BAG2: variants seen among roughly 807,000 people sequenced by gnomAD.
The protein encoded by BAG2 is BAG cochaperone 2, also known as BAG family molecular chaperone regulator 2.
A neutral mutation model predicts 16.4 loss-of-function variants in BAG2; 8 were observed. The observed-to-expected ratio is 0.49, with a 90% CI of 0.29 to 0.88. The LOEUF (loss-of-function observed/expected upper bound fraction) is 0.88. Ranked by LOEUF, BAG2 falls within the 40% of genes least tolerant of loss-of-function variation. The probability of loss-of-function intolerance (pLI) is 0.09; values close to 1 mark genes in which losing one functional copy is unlikely to be tolerated. For missense variants in BAG2, 218 were observed against 248.9 expected (o/e 0.88, Z 0.84); for synonymous variants, 82 against 89.2 (o/e 0.92, Z 0.46).
At chr6:57,175,593 A>C (rs1324378758) in intron 1 of BAG2, among the ~76,000 whole-genome samples, 10 of 152,242 alleles carry the variant, frequency 6.6e-5, no homozygotes, top group Non-Finnish European at 1.3e-4. Flanking sequence ...TCAGTCTGTT[A>C]GAGTGAGGGC....
At chr6:57,175,350 C>T (rs1367446906) in intron 1 of BAG2, among the ~76,000 whole-genome samples, 1 of 152,160 alleles carries the variant, frequency 6.6e-6, no homozygotes, top group Non-Finnish European at 1.5e-5. Context: ...GTTCCTGGCT[C>T]ATAACTCCCA....
chr6:57,175,389 T>G (rs192188920), intron 1 of BAG2, among the ~76,000 whole-genome samples: 2 of 152,234 alleles, frequency 1.3e-5, no homozygotes, highest in East Asian at 1.9e-4. Flanking sequence ...TACGTTATAA[T>G]GTTGGGGTGC....
In BAG2 at chr6:57,182,066, G is replaced by A. The variant is rs1341879283; in HGVS notation, c.148G>A (p.Glu50Lys). 6.2e-7 allele frequency: 1 copy of A among 1,613,980 alleles called. No homozygotes were observed. The highest frequency in any genetic ancestry group is 8.5e-7 in the Non-Finnish European group (1 of 1,180,018). ...TTTGAGAGAAGCAGCAACTGCTGTT[G>A]AGCAAGAGAAAGAAATCCTTCTGGA... ...EALREAATAV[E>K]QEKEILLEMI... The change falls in exon 2 of 3, where the codon GAG (glutamate) becomes AAG (lysine). Residue 50 changes from glutamate to lysine, a missense_variant. Physicochemically the swap from Glu to Lys is moderately conservative, Grantham distance 56. Around this residue, in one of 3 missense-constraint regions of BAG2, gnomAD observed 75 missense variants for 63.1 expected, o/e 1.19. Transcript: ENST00000370693.
Position 57,173,336 on chromosome 6 carries a change from G to A in BAG2, c.113+526G>A, listed in dbSNP as rs568595385. The A allele has an allele frequency of 7.9e-5, 78 of 985,414 alleles. No individual in the cohort carries two copies. In the African/African-American group the frequency reaches 1.3e-3, roughly 16 times the overall value. The allele number at this position is 985,414 out of a possible 1,614,324, so 61.0% of individuals were successfully genotyped here. ...AAACCAACCCAGCAATCCATTGAGA[G>A]CAAAGATTAGACAGGAGTGAGGGGT... is the stretch of plus-strand genomic sequence containing the variant. On this transcript the variant is annotated intron_variant, in intron 1 of 2. Coordinates refer to ENST00000370693, the MANE Select transcript of BAG2 (RefSeq NM_004282.4).
Position 57,189,036 on chromosome 6 carries a change from C to G in BAG2, c.*4846C>G, listed in dbSNP as rs1175387391. 1 of 152,062 alleles carries G rather than the reference C, an allele frequency of 6.6e-6. No homozygotes were observed. Among genetic ancestry groups the G allele is most frequent in the Non-Finnish European group, 1.5e-5 (1 of 68,008 alleles). The allele number at this position is 152,062 out of a possible 1,614,324, so 9.4% of individuals were successfully genotyped here. The stretch of plus-strand genomic sequence containing the variant: ...TACAGATTTTGCAATGCTGTAAAAA[C>G]CAGGTATATTGAAAGGGGTTATTTA... On this transcript the variant is annotated 3_prime_UTR_variant, in exon 3 of 3. Transcript: ENST00000370693.
At chr6:57,178,567 G>C (rs909789641) in intron 1 of BAG2, among the ~76,000 whole-genome samples, 2 of 152,154 alleles carry the variant, frequency 1.3e-5, no homozygotes. Context: ...CAGGGAGAAA[G>C]AATGCTACCT....
chr6:57,184,352 TAACAA>T lies in BAG2; in HGVS notation c.*166_*170del. 1.8e-6 allele frequency: 1 copy of T among 571,126 alleles called. No individual in the cohort carries two copies. Among genetic ancestry groups the T allele is most frequent in the Non-Finnish European group, 2.7e-6 (1 of 370,026 alleles). The allele number at this position is 571,126 out of a possible 1,614,324, so 35.4% of individuals were successfully genotyped here. A position where few individuals can be genotyped will look rare whatever the true frequency, so the allele number is the denominator to read the frequency against. ...CATCAAGTATCTTCAGTTTTGTGAA[TAACAA>T]AACTAGCAATATTTTAATTATCTAT... On this transcript the variant is annotated 3_prime_UTR_variant, in exon 3 of 3. Coordinates refer to ENST00000370693, the MANE Select transcript of BAG2 (RefSeq NM_004282.4).
intron 1 of BAG2, among the ~76,000 whole-genome samples, chr6:57,174,711 T>A (rs541938167): frequency 6.6e-6 from 1 of 152,312 alleles, no homozygotes; most frequent in South Asian, 2.1e-4. Context: ...GTAGATCCTA[T>A]TAAAGTTTTT....
chr6:57,180,844 T>C (rs1764419001), intron 1 of BAG2, among the ~76,000 whole-genome samples: 1 of 151,428 alleles, frequency 6.6e-6, no homozygotes, highest in Admixed American at 6.6e-5. Context: ...GTGGTTCATA[T>C]ATGAGAGGAT....
At chr6:57,174,459 T>A in intron 1 of BAG2, 4 of 1,158,868 alleles carry the variant, frequency 3.5e-6, no homozygotes, top group Non-Finnish European at 4.7e-6. Context: ...TGAATATTAT[T>A]ATATTCTACT....
intron 1 of BAG2, chr6:57,173,065 CTT>C (rs1764172663): frequency 1.1e-6 from 1 of 892,096 alleles, no homozygotes; most frequent in South Asian, 4.1e-5. Context: ...GGTGGCCACA[CTT>C]TGATTAATTT....
At chr6:57,183,049 A>C (rs901359742) in intron 2 of BAG2, among the ~76,000 whole-genome samples, 1 of 152,224 alleles carries the variant, frequency 6.6e-6, no homozygotes, top group Non-Finnish European at 1.5e-5. Context: ...CTTTGGTGCC[A>C]CACAGGCCAC....
chr6:57,176,126 T>G (rs1764277979), intron 1 of BAG2, among the ~76,000 whole-genome samples: 1 of 151,856 alleles, frequency 6.6e-6, no homozygotes, highest in Admixed American at 6.6e-5. Context: ...AGTGTGAGAG[T>G]TTTTTCTAAA....
chr6:57,181,959 A>C lies in BAG2; in HGVS notation c.114-73A>C. 3.1e-6 allele frequency: 4 copies of C among 1,292,076 alleles called. 1 individual carries two copies. The highest frequency in any genetic ancestry group is 4.4e-6 in the Non-Finnish European group (4 of 917,900). The allele number at this position is 1,292,076 out of a possible 1,614,324, so 80.0% of individuals were successfully genotyped here. A position where few individuals can be genotyped will look rare whatever the true frequency, so the allele number is the denominator to read the frequency against. On this transcript the variant is annotated intron_variant, in intron 1 of 2. Coordinates refer to ENST00000370693, the MANE Select transcript of BAG2 (RefSeq NM_004282.4). ...GATCTTTAAACTTGATTTGGGTTGA[A>C]TGAGAGATAAAGAAAATTAATAGGA...
At position 57,187,700 on chromosome 6, in the gene BAG2, A is replaced by G. The variant is rs1056141992; in HGVS notation, c.*3510A>G. On this transcript the variant is annotated 3_prime_UTR_variant, in exon 3 of 3. Coordinates refer to ENST00000370693, the MANE Select transcript of BAG2 (RefSeq NM_004282.4). ...CAACTCCCTATTCTAAGGTCTTCAG[A>G]AAAGGTCCAGTTTCCTAAAACTCAC... The G allele has an allele frequency of 6.6e-6, 1 of 152,214 alleles. No individual in the cohort carries two copies. Among genetic ancestry groups the G allele is most frequent in the Non-Finnish European group, 1.5e-5 (1 of 68,026 alleles). 9.4% of individuals were successfully genotyped at this position (152,214 alleles called of 1,614,324 possible).
In BAG2 at chr6:57,175,827, A is replaced by T. The variant is rs554101724; in HGVS notation, c.113+3017A>T. Among the ~76,000 whole-genome samples, 18 of 152,306 alleles carry T rather than the reference A, an allele frequency of 1.2e-4. No homozygotes were observed. In the South Asian group the frequency reaches 3.7e-3, roughly 32 times the overall value. On this transcript the variant is annotated intron_variant, in intron 1 of 2. Coordinates refer to ENST00000370693, the MANE Select transcript of BAG2 (RefSeq NM_004282.4). ...TACCCTTTATAATAAATCCGTAAAT[A>T]TAAGTAAGTGTTTCCCTGAATTTTG...
intron 1 of BAG2, chr6:57,173,629 C>G (rs1764193663): frequency 1.6e-6 from 1 of 618,768 alleles, no homozygotes; most frequent in Admixed American, 6.3e-5. Context: ...TTTGGAAAGA[C>G]TTTAACGGTG....
rs533592307 is a variant in BAG2, at chr6:57,179,553, T to C, written c.114-2479T>C. On this transcript the variant is annotated intron_variant, in intron 1 of 2. Transcript: ENST00000370693. ...GTGAAGTTGTTCTTTCTGTGCACAC[T>C]TAAGACAGCAGTTAGGATTAGATCT... Among the ~76,000 whole-genome samples the C allele has an allele frequency of 3.3e-5, 5 of 152,304 alleles. No homozygotes were observed. The South Asian group carries it at 1.0e-3, about 32-fold the overall frequency.
intron 1 of BAG2, chr6:57,173,602 T>G: frequency 1.3e-6 from 1 of 758,858 alleles, no homozygotes; most frequent in Non-Finnish European, 1.6e-6. Context: ...TTCTAAACAA[T>G]TTAATGTTAA....
Sources: allele counts gnomAD v4.1 joint callset (sites outside exome capture counted in the v4.1 genomes callset), GRCh38; gene constraint gnomAD v4.1.1; regional missense constraint gnomAD v4.1.1; transcripts MANE v1.5; gene names NCBI Gene and HGNC (gene_info 2026-07-23, HGNC 2026-07-21).